The following ATF7IP2 variants were observed in gnomAD, a reference collection of about 807,000 sequenced individuals.
ATF7IP2 encodes the protein activating transcription factor 7-interacting protein 2.
ATF7IP2 carries 42 observed loss-of-function variants against 64.2 expected under a neutral mutation model. The observed-to-expected ratio is 0.65, with a 90% CI of 0.51 to 0.85. The LOEUF is 0.85. Among genes scored for constraint, ATF7IP2 ranks in the 40% least tolerant of loss-of-function variants. The probability of loss-of-function intolerance (pLI) is 0.00; values close to 1 mark genes in which losing one functional copy is unlikely to be tolerated. For missense variants in ATF7IP2, 933 were observed against 784.2 expected (o/e 1.19, Z -2.27); for synonymous variants, 308 against 272.8 (o/e 1.13, Z -1.27).
chr16:10,408,147 C>A (rs758756860), intron 1 of ATF7IP2, among the ~76,000 whole-genome samples: 4 of 151,992 alleles, frequency 2.6e-5, no homozygotes, highest in African/African-American at 9.7e-5. Flanking sequence ...CCTGACCTCG[C>A]GATCCACCTG....
chr16:10,444,129 C>G (rs1201669313), intron 8 of ATF7IP2, among the ~76,000 whole-genome samples: 1 of 152,082 alleles, frequency 6.6e-6, no homozygotes, highest in Non-Finnish European at 1.5e-5. Context: ...CATAACAAGA[C>G]AAGCATCAAA....
intron 3 of ATF7IP2, among the ~76,000 whole-genome samples, chr16:10,423,485 A>G (rs990309223): frequency 1.3e-5 from 2 of 152,160 alleles, no homozygotes; most frequent in Non-Finnish European, 2.9e-5. Flanking sequence ...CCAAGCCTCT[A>G]TATCACCCTC....
intron 1 of ATF7IP2, among the ~76,000 whole-genome samples, chr16:10,411,999 TA>T: frequency 6.9e-6 from 1 of 144,204 alleles, no homozygotes. Flanking sequence ...TTGTTTCATT[TA>T]TCTTTTTTTG....
chr16:10,427,854 A>G lies in ATF7IP2; in HGVS notation c.-159-1014A>G, dbSNP rs79635174. ...AACAGAGCAGCAAGACCCTGTCTCA[A>G]AAAAAAAAAAAAAGGAACTGGAGGT... On this transcript the variant is annotated intron_variant, in intron 3 of 13. Transcript: ENST00000562102. 2.1e-5 allele frequency among the ~76,000 whole-genome samples: 3 copies of G among 146,098 alleles called. No individual in the cohort carries two copies. The East Asian group carries it at 5.9e-4, about 29-fold the overall frequency.
chr16:10,458,653 A>T (rs2049264065), intron 9 of ATF7IP2, among the ~76,000 whole-genome samples: 1 of 152,212 alleles, frequency 6.6e-6, no homozygotes, highest in Non-Finnish European at 1.5e-5. Context: ...CACCAGCTTG[A>T]AGCAAACTCT....
chr16:10,394,003 C>G (rs1440222872), intron 1 of ATF7IP2, among the ~76,000 whole-genome samples: 4 of 152,124 alleles, frequency 2.6e-5, no homozygotes, highest in African/African-American at 9.7e-5. Context: ...GATCTCAGCA[C>G]TGTGCATGAT....
At chr16:10,440,273 C>G (rs903407582) in intron 7 of ATF7IP2, 91 bp from the exon 8 acceptor site, 1 of 596,888 alleles carries the variant, frequency 1.7e-6, no homozygotes. Context: ...CTAGGTCTTA[C>G]AAAACTACTT....
intron 8 of ATF7IP2, chr16:10,446,036 ACTT>A (rs1451499819): frequency 2.0e-5 from 3 of 152,266 alleles, no homozygotes; most frequent in African/African-American, 7.2e-5. Flanking sequence ...AGTCTTCCTG[ACTT>A]CTTCAAGGGC....
intron 1 of ATF7IP2, among the ~76,000 whole-genome samples, chr16:10,400,232 G>T (rs1214229838): frequency 6.6e-6 from 1 of 151,990 alleles, no homozygotes; most frequent in Non-Finnish European, 1.5e-5. Context: ...GTAGAGATGG[G>T]GTTTCACCAT....
chr16:10,429,744 A>AT (rs1454686290), intron 4 of ATF7IP2, among the ~76,000 whole-genome samples: 10 of 136,664 alleles, frequency 7.3e-5, no homozygotes, highest in African/African-American at 1.1e-4. Flanking sequence ...ATTTTATTTT[A>AT]TTTATTTTAT....
At position 10,436,941 on chromosome 16, in the gene ATF7IP2, A is replaced by G. The variant is rs190157159; in HGVS notation, c.961-1160A>G. On this transcript the variant is annotated intron_variant, in intron 6 of 13. Transcript: ENST00000562102. ...TAAGTTCATTAATTTTTCATATTACAGCTACTACGATTTGTTAGAATGGCA... is the reference window on the plus strand; with the variant it reads ...TAAGTTCATTAATTTTTCATATTACGGCTACTACGATTTGTTAGAATGGCA... Among the ~76,000 whole-genome samples the G allele has an allele frequency of 4.0e-3, 607 of 152,036 alleles. 1 individual carries two copies. Among genetic ancestry groups the G allele is most frequent in the Admixed American group, 7.7e-3 (117 of 15,276 alleles).
At chr16:10,459,453 G>A (rs2049297697) in intron 9 of ATF7IP2, among the ~76,000 whole-genome samples, 1 of 149,830 alleles carries the variant, frequency 6.7e-6, no homozygotes, top group Non-Finnish European at 1.5e-5. Flanking sequence ...GGGCGACAGA[G>A]CGAGACTCCA....
intron 12 of ATF7IP2, among the ~76,000 whole-genome samples, chr16:10,478,656 G>T (rs963319245): frequency 6.6e-6 from 1 of 152,134 alleles, no homozygotes; most frequent in African/African-American, 2.4e-5. Flanking sequence ...TGACAAATGG[G>T]ATCTACTTAA....
intron 4 of ATF7IP2, among the ~76,000 whole-genome samples, chr16:10,430,066 C>T (rs73497833): frequency 0.02 from 3,020 of 151,882 alleles, 89 homozygotes; most frequent in African/African-American, 0.069. Flanking sequence ...GTTGACCAAG[C>T]TGGTCTCGAA....
At chr16:10,451,603 G>C (rs533841613) in intron 8 of ATF7IP2, among the ~76,000 whole-genome samples, 7 of 151,874 alleles carry the variant, frequency 4.6e-5, no homozygotes, top group African/African-American at 1.7e-4. Context: ...TCTTCCGCTT[G>C]ATCAGTTCAG....
intron 1 of ATF7IP2, among the ~76,000 whole-genome samples, chr16:10,394,241 G>A (rs1366700831): frequency 6.6e-6 from 1 of 152,154 alleles, no homozygotes; most frequent in Admixed American, 6.5e-5. Flanking sequence ...AAGCTATCGT[G>A]CCTATACTGA....
intron 7 of ATF7IP2, 126 bp downstream of exon 7, chr16:10,438,361 C>T: frequency 1.1e-6 from 1 of 928,500 alleles, no homozygotes; most frequent in Non-Finnish European, 1.5e-6. Context: ...CCTACCACCT[C>T]AGTCTCCAGA....
chr16:10,393,813 C>T (rs985280514), intron 1 of ATF7IP2, among the ~76,000 whole-genome samples: 3 of 151,964 alleles, frequency 2.0e-5, no homozygotes, highest in African/African-American at 4.8e-5. Context: ...CTTGGTAGGC[C>T]GAGGATCATT....
intron 9 of ATF7IP2, among the ~76,000 whole-genome samples, chr16:10,463,847 C>A (rs1208647163): frequency 6.6e-6 from 1 of 152,182 alleles, no homozygotes; most frequent in Non-Finnish European, 1.5e-5. Flanking sequence ...TTTTATAAGA[C>A]AGTGATTTCT....
Sources: allele counts gnomAD v4.1 joint callset (sites outside exome capture counted in the v4.1 genomes callset), GRCh38; gene constraint gnomAD v4.1.1; transcripts MANE v1.5; gene names NCBI Gene and HGNC (gene_info 2026-07-23, HGNC 2026-07-21).